The following CDK11A variants were observed in gnomAD, a reference collection of about 807,000 sequenced individuals.
CDK11A encodes cyclin-dependent kinase 11A.
A neutral mutation model predicts 83.6 loss-of-function variants in CDK11A; 55 were observed. That is an observed-to-expected ratio of 0.66 (90% CI 0.53 to 0.82). CDK11A has a LOEUF of 0.82. CDK11A is among the 40% of genes least tolerant of loss of function. The probability of loss-of-function intolerance (pLI) is 0.00; values close to 1 mark genes in which losing one functional copy is unlikely to be tolerated. For synonymous variants in CDK11A, 247 were observed against 302.7 expected, an observed-to-expected ratio of 0.82 and a Z score of 1.91; for missense variants, 564 against 810.1, an observed-to-expected ratio of 0.70 and a Z score of 3.69.
intron 1 of CDK11A, among the ~76,000 whole-genome samples, chr1:1,723,407 G>A (rs1418760152): frequency 2.4e-5 from 1 of 41,052 alleles, no homozygotes; most frequent in African/African-American, 5.2e-5. Flanking sequence ...GGAGGCCGAG[G>A]CAGCAGAATC....
rs770903653 is a variant in CDK11A at position 1,704,655 on chromosome 1, C to T, written c.1459G>A (p.Glu487Lys). The T allele has an allele frequency of 1.4e-5, 23 of 1,596,922 alleles. 1 individual carries two copies. Among genetic ancestry groups the T allele is most frequent in the Admixed American group, 1.2e-4 (7 of 58,010 alleles). The stretch of plus-strand genomic sequence containing the variant: ...TCCATGTTGCTGCCCACCACAATCT[C>T]CTGCAGGGCACGGCTCTGTGGGTGC... ...AQHPNIVTVREIVVGSNMDKI... is the reference protein window; with the variant it reads ...AQHPNIVTVRKIVVGSNMDKI... The change falls in exon 14 of 20, where the codon GAG becomes AAG. Residue 487 changes from glutamate (E) to lysine (K), a missense_variant and splice_region_variant. Coordinates refer to ENST00000404249, the MANE Select transcript of CDK11A (RefSeq NM_024011.4).
At chr1:1,716,110 C>T (rs546407716) in intron 5 of CDK11A, among the ~76,000 whole-genome samples, 1 of 150,696 alleles carries the variant, frequency 6.6e-6, no homozygotes, top group Admixed American at 6.7e-5. Context: ...ATTTCTGATC[C>T]CTTCATTGTC....
chr1:1,704,940 G>A lies in CDK11A; in HGVS notation c.1422C>T (p.Ile474=). 2 of 1,597,254 alleles carry A rather than the reference G, an allele frequency of 1.3e-6. No individual in the cohort carries two copies. Among genetic ancestry groups the A allele is most frequent in the Non-Finnish European group, 1.7e-6 (2 of 1,172,948 alleles). ...CAATGTTGGGATGCTGGGCCTTGAG[G>A]ATGGTGTTGATCTCCCTCAGGGACG... is the stretch of plus-strand genomic sequence containing the variant. The part of the protein sequence containing the change: ...PITSLREINT[I]LKAQHPNIVT... Residue 474 remains isoleucine, a synonymous_variant, in exon 13 of 20, where the codon ATC becomes ATT. Transcript: ENST00000404249.
intron 4 of CDK11A, among the ~76,000 whole-genome samples, chr1:1,718,681 C>T (rs111938876): frequency 0.022 from 3,205 of 142,998 alleles, 182 homozygotes; most frequent in African/African-American, 0.077. Context: ...GTCGCCCAGG[C>T]TAGAGTGTGC....
chr1:1,723,514 A>AAG (rs1644990373), intron 1 of CDK11A, among the ~76,000 whole-genome samples: 8 of 42,584 alleles, frequency 1.9e-4, no homozygotes, highest in African/African-American at 4.2e-4. Flanking sequence ...AAAAAAAAAA[A>AAG]AAAAAAAAAC....
At chr1:1,717,434 C>A (rs531310070) in intron 4 of CDK11A, among the ~76,000 whole-genome samples, 1 of 151,398 alleles carries the variant, frequency 6.6e-6, no homozygotes, top group South Asian at 2.1e-4. Context: ...AAGCCTAACC[C>A]ATTCTTTGGA....
chr1:1,716,935 T>TGAAGAGACAGGGTC (rs1644684453), intron 4 of CDK11A, among the ~76,000 whole-genome samples: 1 of 129,206 alleles, frequency 7.7e-6, no homozygotes, highest in African/African-American at 2.6e-5. Context: ...TTTTTTTTTT[T>TGAAGAGACAGGGTC]TGAAGAGACA....
intron 4 of CDK11A, among the ~76,000 whole-genome samples, chr1:1,718,456 C>T (rs367803327): frequency 7.3e-5 from 11 of 150,228 alleles, no homozygotes; most frequent in South Asian, 4.2e-4. Flanking sequence ...CTGTGACACA[C>T]GCACGCTTTC....
At chr1:1,706,692 G>A (rs1349574240) in intron 11 of CDK11A, among the ~76,000 whole-genome samples, 2 of 151,356 alleles carry the variant, frequency 1.3e-5, no homozygotes, top group South Asian at 2.1e-4. Context: ...TGTACCTTGG[G>A]GCCGGTGCCC....
At chr1:1,704,774 G>C in intron 13 of CDK11A, 119 bp from the exon 14 acceptor site, 1 of 1,597,576 alleles carries the variant, frequency 6.3e-7, no homozygotes, top group Non-Finnish European at 8.6e-7. Context: ...GCAAATACTT[G>C]CTTCTGTGTG....
In CDK11A at chr1:1,706,809, C is replaced by A. The variant is rs935512694; in HGVS notation, c.1245+600G>T. 7.3e-5 allele frequency among the ~76,000 whole-genome samples: 11 copies of A among 150,684 alleles called. 2 individuals carry two copies. Among genetic ancestry groups the A allele is most frequent in the Admixed American group, 2.0e-4 (3 of 15,132 alleles). On this transcript the variant is annotated intron_variant, in intron 11 of 19. Coordinates refer to ENST00000404249, the MANE Select transcript of CDK11A (RefSeq NM_024011.4). ...GCATAGGGCAGTCGACAGAGGCCTG[C>A]TGCATGCGCCAGAGAGAACCTCTCC...
At position 1,724,245 on chromosome 1, in the gene CDK11A, A is replaced by G. The variant is rs1645018401; in HGVS notation, c.-14+13T>C. The G allele has an allele frequency of 6.6e-6, 1 of 151,532 alleles. No homozygotes were observed. Among genetic ancestry groups the G allele is most frequent in the Non-Finnish European group, 1.5e-5 (1 of 67,790 alleles). The allele number at this position is 151,532 out of a possible 1,614,324, so 9.4% of individuals were successfully genotyped here. A position where few individuals can be genotyped will look rare whatever the true frequency, so the allele number is the denominator to read the frequency against. ...TCGCGCTCCCACACCTGGTCCGCCC[A>G]GTCGGAACTCACCCCTACGGGGCCG... On this transcript the variant is annotated intron_variant, in intron 1 of 19. Coordinates refer to ENST00000404249, the MANE Select transcript of CDK11A (RefSeq NM_024011.4).
chr1:1,718,991 C>T (rs1644791525), intron 4 of CDK11A, among the ~76,000 whole-genome samples: 1 of 151,142 alleles, frequency 6.6e-6, no homozygotes, highest in Admixed American at 6.6e-5. Flanking sequence ...CACACGCATG[C>T]TTTCAGCTAG....
At chr1:1,724,063 T>A (rs1339573051) in intron 1 of CDK11A, 195 bp downstream of exon 1, 1 of 146,568 alleles carries the variant, frequency 6.8e-6, no homozygotes, top group African/African-American at 2.5e-5. Context: ...CTGGCAGACG[T>A]TGGCTCCAGA....
Position 1,707,464 on chromosome 1 carries a change from G to T in CDK11A, c.1190C>A (p.Ala397Asp). Residue 397 changes from alanine to aspartate, a missense_variant, in exon 11 of 20, where the codon GCC becomes GAC. Around this residue, in one of 5 missense-constraint regions of CDK11A, gnomAD observed 361 missense variants for 402.7 expected, o/e 0.90. Coordinates refer to ENST00000404249, the MANE Select transcript of CDK11A (RefSeq NM_024011.4). ...TEGDYVPDSPALLPIELKQEL... is the reference protein window; with the variant it reads ...TEGDYVPDSPDLLPIELKQEL... ...CTGCTTGAGCTCGATGGGCAACAGG[G>T]CAGGGGAGTCGGGCACATAGTCGCC... is the stretch of plus-strand genomic sequence containing the variant. The T allele has an allele frequency of 1.2e-6, 2 of 1,607,706 alleles. No individual in the cohort carries two copies. The highest frequency in any genetic ancestry group is 1.7e-6 in the Non-Finnish European group (2 of 1,175,928).
At chr1:1,706,887 G>A (rs550487824) in intron 11 of CDK11A, among the ~76,000 whole-genome samples, 2 of 149,116 alleles carry the variant, frequency 1.3e-5, no homozygotes, top group African/African-American at 2.5e-5. Context: ...CCAGGCCCCC[G>A]AGGCCACTGG....
rs375185087 is a variant in CDK11A, at chr1:1,713,552, A to G, written c.489-1152T>C. On this transcript the variant is annotated intron_variant, in intron 5 of 19. Transcript: ENST00000404249. ...CTTAGTGGTTGCTCTAGGGATCACC[A>G]TATGCCTCATGATACTAGCTCAAGT... Among the ~76,000 whole-genome samples, 136 of 109,840 alleles carry G rather than the reference A, an allele frequency of 1.2e-3. 4 individuals are homozygous for G. Among genetic ancestry groups the G allele is most frequent in the African/African-American group, 3.7e-3 (128 of 34,278 alleles). The allele number at this position is 109,840 out of a possible 152,430, so 72.1% of individuals were successfully genotyped here. A position where few individuals can be genotyped will look rare whatever the true frequency, so the allele number is the denominator to read the frequency against.
rs189473022 is a variant in CDK11A at position 1,716,094 on chromosome 1, G to A, written c.488+252C>T. Reference sequence around the variant, plus strand: ...CGTGAGCCACTGCGCCCGGCGGGACGTGCAGATTTCTGATCCCTTCATTGT... The same window carrying A: ...CGTGAGCCACTGCGCCCGGCGGGACATGCAGATTTCTGATCCCTTCATTGT... On this transcript the variant is annotated intron_variant, in intron 5 of 19. Transcript: ENST00000404249. Among the ~76,000 whole-genome samples the A allele has an allele frequency of 2.5e-4, 37 of 150,636 alleles. 1 individual carries two copies. Among genetic ancestry groups the A allele is most frequent in the Admixed American group, 5.3e-4 (8 of 15,032 alleles).
chr1:1,714,842 G>A (rs1313345407), intron 5 of CDK11A, among the ~76,000 whole-genome samples: 1 of 144,824 alleles, frequency 6.9e-6, no homozygotes, highest in African/African-American at 2.5e-5. Context: ...AGTGGGTGGC[G>A]GCTCGAGCTC....
Sources: allele counts gnomAD v4.1 joint callset (sites outside exome capture counted in the v4.1 genomes callset), GRCh38; gene constraint gnomAD v4.1.1; regional missense constraint gnomAD v4.1.1; transcripts MANE v1.5; gene names NCBI Gene and HGNC (gene_info 2026-07-23, HGNC 2026-07-21).